The following MYO16 variants were observed in gnomAD, a reference collection of about 807,000 sequenced individuals.
MYO16 encodes myosin XVI, also known as unconventional myosin-XVI.
MYO16 carries 94 observed loss-of-function variants against 205.3 expected under a neutral mutation model. The ratio of observed to expected loss-of-function variants is 0.46; its 90% CI spans 0.39 to 0.54. The LOEUF is 0.54. MYO16 is among the 20% of genes least tolerant of loss of function. The pLI is 0.00. For synonymous variants in MYO16, 988 were observed against 954.0 expected (o/e 1.04, Z -0.66); for missense variants, 2,315 against 2,387.5 (o/e 0.97, Z 0.63).
intron 23 of MYO16, among the ~76,000 whole-genome samples, chr13:109,036,866 T>C (rs1459858230): frequency 6.6e-6 from 1 of 152,200 alleles, no homozygotes; most frequent in African/African-American, 2.4e-5. Context: ...CCTCTATCTT[T>C]GGCTACTTTC....
At chr13:108,969,686 A>C (rs1883936606) in intron 20 of MYO16, among the ~76,000 whole-genome samples, 1 of 152,190 alleles carries the variant, frequency 6.6e-6, no homozygotes, top group South Asian at 2.1e-4. Context: ...CAGTGTTAGC[A>C]CGTTTGAGAG....
At chr13:108,819,365 T>C (rs1304891298) in intron 7 of MYO16, among the ~76,000 whole-genome samples, 2 of 152,180 alleles carry the variant, frequency 1.3e-5, no homozygotes, top group African/African-American at 4.8e-5. Context: ...CGCAAGAATC[T>C]ATACGATAGG....
chr13:108,696,512 A>C (rs1444723732), intron 2 of MYO16, among the ~76,000 whole-genome samples: 1 of 152,168 alleles, frequency 6.6e-6, no homozygotes, highest in African/African-American at 2.4e-5. Context: ...TTTTCTCTTT[A>C]AATGAAATTC....
chr13:108,883,832 C>G (rs539504572), intron 13 of MYO16, among the ~76,000 whole-genome samples: 2 of 152,146 alleles, frequency 1.3e-5, no homozygotes, highest in East Asian at 3.9e-4. Flanking sequence ...ACTATATTGC[C>G]CAGGCTGGTC....
At chr13:108,796,948 TA>T (rs891708774) in intron 6 of MYO16, among the ~76,000 whole-genome samples, 4 of 129,380 alleles carry the variant, frequency 3.1e-5, no homozygotes, top group South Asian at 2.6e-4. Flanking sequence ...AAATTAAAAT[TA>T]AAAAAAAAGA....
At chr13:108,629,182 G>A (rs894236831), upstream of MYO16, 1 of 152,192 alleles carries the variant, frequency 6.6e-6, no homozygotes, top group African/African-American at 2.4e-5. Flanking sequence ...AAAGCAGAAA[G>A]ATGTGTTTTG....
the MYO16 span, among the ~76,000 whole-genome samples, chr13:108,502,086 G>A: frequency 6.6e-6 from 1 of 152,146 alleles, no homozygotes; most frequent in African/African-American, 2.4e-5. Context: ...GGTGGCACGT[G>A]TCTGTAGTCC....
chr13:108,613,419 T>C lies in MYO16; in HGVS notation c.-39+17180T>C, dbSNP rs193094773. Among the ~76,000 whole-genome samples, 171 of 152,226 alleles carry C rather than the reference T, an allele frequency of 1.1e-3. 1 individual carries two copies. The highest frequency in any genetic ancestry group is 6.8e-3 in the Middle Eastern group (2 of 294). ...CTAGTTAGGTAACATGCCCTCCTGG[T>C]TATGTTCATGGAAGTTATCCTTTTA... is the stretch of plus-strand genomic sequence containing the variant. On this transcript the variant is annotated intron_variant, in intron 1 of 24. Coordinates refer to the MYO16 transcript ENST00000251041.
intron 2 of MYO16, among the ~76,000 whole-genome samples, chr13:108,700,934 G>T (rs957150439): frequency 6.6e-6 from 1 of 152,098 alleles, no homozygotes; most frequent in African/African-American, 2.4e-5. Flanking sequence ...CAAATAGGAA[G>T]TGCAGACTAA....
intron 1 of MYO16, among the ~76,000 whole-genome samples, chr13:108,658,413 T>A (rs1459790673): frequency 7.0e-6 from 1 of 142,680 alleles, no homozygotes; most frequent in Non-Finnish European, 1.5e-5. Flanking sequence ...TCCTTCTTTT[T>A]TTTGTTTCAA....
intron 14 of MYO16, among the ~76,000 whole-genome samples, chr13:108,895,814 T>C (rs1016728432): frequency 1.3e-5 from 2 of 152,214 alleles, no homozygotes; most frequent in Non-Finnish European, 2.9e-5. Context: ...TGGTACATAG[T>C]GAGCAGGACG....
chr13:108,671,603 AATGCATTATTG>A (rs2139446248), intron 2 of MYO16, among the ~76,000 whole-genome samples: 1 of 152,306 alleles, frequency 6.6e-6, no homozygotes, highest in South Asian at 2.1e-4. Context: ...TATAATTTCA[AATGCATTATTG>A]CAATGTAAAA....
At chr13:108,632,078 CAAAA>C (rs59971095) in intron 1 of MYO16, among the ~76,000 whole-genome samples, 2 of 67,252 alleles carry the variant, frequency 3.0e-5, no homozygotes, top group Non-Finnish European at 5.6e-5. Context: ...AACCCCAACT[CAAAA>C]AAAAAAAAAA....
chr13:109,194,757 C>G (rs577638691), intron 34 of MYO16, among the ~76,000 whole-genome samples: 1 of 152,044 alleles, frequency 6.6e-6, no homozygotes, highest in African/African-American at 2.4e-5. Context: ...GGGCTTGATT[C>G]TTTCTTTAGG....
chr13:108,676,372 C>CGT (rs35790433), intron 2 of MYO16, among the ~76,000 whole-genome samples: 1,682 of 131,738 alleles, frequency 0.013, 18 homozygotes, highest in African/African-American at 0.028. Flanking sequence ...TATATGTACG[C>CGT]GTGTGTGTGT....
chr13:108,652,341 G>A (rs1358547540), intron 1 of MYO16, among the ~76,000 whole-genome samples: 1 of 152,192 alleles, frequency 6.6e-6, no homozygotes, highest in African/African-American at 2.4e-5. Context: ...CTTCAGCTAT[G>A]TATATATGTT....
the MYO16 span, among the ~76,000 whole-genome samples, chr13:108,532,402 G>A: frequency 4.4e-3 from 668 of 151,506 alleles, 5 homozygotes; most frequent in African/African-American, 0.016. Context: ...GATATCAGGA[G>A]AAAAAGAGGG....
intron 31 of MYO16, among the ~76,000 whole-genome samples, chr13:109,133,553 C>T (rs1413756837): frequency 6.6e-6 from 1 of 152,162 alleles, no homozygotes; most frequent in Non-Finnish European, 1.5e-5. Context: ...TATCATTCTG[C>T]AGCAGTTCAG....
At chr13:109,046,697 T>C (rs551195678) in intron 23 of MYO16, among the ~76,000 whole-genome samples, 208 of 152,278 alleles carry the variant, frequency 1.4e-3, no homozygotes, top group African/African-American at 4.8e-3. Context: ...AAGGAGACCT[T>C]CACAAAATAG....
Sources: gnomAD v4.1 joint callset for allele counts (sites outside exome capture counted in the v4.1 genomes callset) on GRCh38, gnomAD v4.1.1 for gene constraint, MANE v1.5 for transcripts, NCBI Gene and HGNC (gene_info 2026-07-23, HGNC 2026-07-21) for gene names.